Variants in XKR6 observed in about 807,000 individuals in gnomAD.
XKR6 encodes the protein XK-related protein 6.
In XKR6, 22 loss-of-function variants were observed where a neutral mutation model predicts 56.7. That is an observed-to-expected ratio of 0.39 (90% CI 0.28 to 0.55). The LOEUF is 0.55. Ranked by LOEUF, XKR6 falls within the 20% of genes least tolerant of loss-of-function variation. XKR6 has a pLI of 0.66. For missense variants in XKR6, 852 were observed against 889.0 expected, an observed-to-expected ratio of 0.96 and a Z score of 0.53; for synonymous variants, 524 against 387.8, an observed-to-expected ratio of 1.35 and a Z score of -4.13.
At chr8:11,020,196 C>T (rs566219771) in intron 1 of XKR6, among the ~76,000 whole-genome samples, 1 of 152,118 alleles carries the variant, frequency 6.6e-6, no homozygotes, top group African/African-American at 2.4e-5. Context: ...AAATAATGGT[C>T]TTGGGAGTTG....
intron 1 of XKR6, chr8:11,129,070 T>G (rs1251847573): frequency 2.4e-6 from 1 of 420,342 alleles, no homozygotes; most frequent in African/African-American, 2.1e-5. Context: ...ATGACTCAGA[T>G]GCATCCATGT....
intron 1 of XKR6, among the ~76,000 whole-genome samples, chr8:11,141,392 G>A (rs1268534220): frequency 6.6e-6 from 1 of 152,216 alleles, no homozygotes; most frequent in Non-Finnish European, 1.5e-5. Context: ...GACCCCCCAT[G>A]ATGGGATTCA....
chr8:11,065,981 G>A (rs1043912829), intron 1 of XKR6, among the ~76,000 whole-genome samples: 1 of 152,238 alleles, frequency 6.6e-6, no homozygotes, highest in Non-Finnish European at 1.5e-5. Flanking sequence ...GCTATAAAAT[G>A]GCAAAGGGGT....
chr8:11,119,695 T>A (rs1357778472), intron 1 of XKR6, among the ~76,000 whole-genome samples: 1 of 152,168 alleles, frequency 6.6e-6, no homozygotes, highest in Admixed American at 6.5e-5. Flanking sequence ...TGAGCCTATG[T>A]GTGTCTCTGC....
chr8:11,118,238 G>C (rs1362394216), intron 1 of XKR6, among the ~76,000 whole-genome samples: 1 of 32,140 alleles, frequency 3.1e-5, no homozygotes, highest in East Asian at 9.1e-4. Flanking sequence ...CTGTCAAGGG[G>C]AAGCTGGTTT....
intron 1 of XKR6, among the ~76,000 whole-genome samples, chr8:11,160,710 C>T (rs1165518861): frequency 6.6e-6 from 1 of 152,058 alleles, no homozygotes; most frequent in Non-Finnish European, 1.5e-5. Context: ...GAGATCGAGA[C>T]CAGCCTGGCC....
At chr8:10,924,577 G>A (rs1249268148) in intron 2 of XKR6, 57 bp downstream of exon 2, 114 of 1,554,126 alleles carry the variant, frequency 7.3e-5, no homozygotes, top group Non-Finnish European at 4.5e-5. Context: ...GGAGGCGGCC[G>A]TGGTCCCCAG....
chr8:10,925,450 C>G (rs983559647), intron 1 of XKR6, among the ~76,000 whole-genome samples: 1 of 152,176 alleles, frequency 6.6e-6, no homozygotes, highest in African/African-American at 2.4e-5. Context: ...ATCCAGGCCA[C>G]TGGACACCCT....
chr8:11,179,749 A>G (rs567056832), intron 1 of XKR6, among the ~76,000 whole-genome samples: 1 of 152,336 alleles, frequency 6.6e-6, no homozygotes, highest in East Asian at 1.9e-4. Flanking sequence ...TCCACCATAT[A>G]CAAATTACTG....
chr8:11,088,985 G>A (rs1563128255), intron 1 of XKR6, among the ~76,000 whole-genome samples: 1 of 152,196 alleles, frequency 6.6e-6, no homozygotes, highest in Non-Finnish European at 1.5e-5. Flanking sequence ...GGATTGATGG[G>A]GTGACATTTT....
rs549911482 is a variant in XKR6 at position 11,067,248 on chromosome 8, C to T, written c.764+133328G>A. 6.4e-4 allele frequency among the ~76,000 whole-genome samples: 97 copies of T among 152,216 alleles called. No homozygotes were observed. The South Asian group carries it at 0.013, about 21-fold the overall frequency. The stretch of plus-strand genomic sequence containing the variant: ...CAGGGGCAAGGGCAAGAGCCTGGGG[C>T]GGCAGCTTGAGGTCCTAAAATAAAC... On this transcript the variant is annotated intron_variant, in intron 1 of 2. Transcript: ENST00000416569.
At chr8:11,046,153 C>T (rs1799405057) in intron 1 of XKR6, among the ~76,000 whole-genome samples, 1 of 152,188 alleles carries the variant, frequency 6.6e-6, no homozygotes, top group South Asian at 2.1e-4. Flanking sequence ...AATCCCAGCA[C>T]TTTGGGAGGT....
intron 1 of XKR6, among the ~76,000 whole-genome samples, chr8:10,926,037 C>CCTTGA (rs1800871457): frequency 6.6e-6 from 1 of 152,136 alleles, no homozygotes; most frequent in Non-Finnish European, 1.5e-5. Flanking sequence ...ACATGCCTGT[C>CCTTGA]CTTGACTGTC....
chr8:11,129,069 A>G, intron 1 of XKR6: 1 of 423,808 alleles, frequency 2.4e-6, no homozygotes, highest in Non-Finnish European at 4.7e-6. Context: ...AATGACTCAG[A>G]TGCATCCATG....
intron 1 of XKR6, among the ~76,000 whole-genome samples, chr8:10,929,921 A>G (rs1801007401): frequency 6.6e-6 from 1 of 152,142 alleles, no homozygotes; most frequent in Non-Finnish European, 1.5e-5. Flanking sequence ...GAATTGTTTA[A>G]AGCTCCTGTT....
At chr8:11,153,787 C>G (rs1801375064) in intron 1 of XKR6, among the ~76,000 whole-genome samples, 1 of 152,164 alleles carries the variant, frequency 6.6e-6, no homozygotes, top group Non-Finnish European at 1.5e-5. Flanking sequence ...TGGACTCCTT[C>G]CTCTCTCTTT....
intron 1 of XKR6, among the ~76,000 whole-genome samples, chr8:11,129,268 C>T (rs1390793397): frequency 6.6e-6 from 1 of 152,140 alleles, no homozygotes; most frequent in African/African-American, 2.4e-5. Flanking sequence ...GTGAATTTCA[C>T]CTCAAAAGGC....
In XKR6 at chr8:11,201,200, T is replaced by TCGCTGC; in HGVS notation, c.134_139dup (p.Gly45_Ser46dup). 2.0e-6 allele frequency: 3 copies of TCGCTGC among 1,529,994 alleles called. 1 individual carries two copies. The South Asian group carries it at 3.6e-5, about 18-fold the overall frequency. The allele number at this position is 1,529,994 out of a possible 1,614,324, so 94.8% of individuals were successfully genotyped here. The stretch of plus-strand genomic sequence containing the variant: ...GTGCATCGAGCTGCTCTCGCCGGGC[T>TCGCTGC]CGCTGCCGTCGCCGCCGCCGCCGCA... On this transcript the variant is annotated inframe_insertion, in exon 1 of 3. Transcript: ENST00000416569.
intron 2 of XKR6, among the ~76,000 whole-genome samples, chr8:10,912,233 G>GGAGA (rs1328797064): frequency 2.6e-5 from 3 of 116,894 alleles, no homozygotes; most frequent in Non-Finnish European, 5.4e-5. Context: ...AGAGAGAGAG[G>GGAGA]GAGAGAGAGA....
Sources: gnomAD v4.1 joint callset for allele counts (sites outside exome capture counted in the v4.1 genomes callset) on GRCh38, gnomAD v4.1.1 for gene constraint, MANE v1.5 for transcripts, NCBI Gene and HGNC (gene_info 2026-07-23, HGNC 2026-07-21) for gene names.